The following ZFHX3 variants were observed in gnomAD, a reference collection of about 807,000 sequenced individuals.
The protein encoded by ZFHX3 is zinc finger homeobox 3, also known as zinc finger homeobox protein 3.
A neutral mutation model predicts 279.1 loss-of-function variants in ZFHX3; 42 were observed. The ratio of observed to expected loss-of-function variants is 0.15; its 90% CI spans 0.12 to 0.19. The LOEUF (loss-of-function observed/expected upper bound fraction) is 0.19, where lower values mean the gene tolerates loss of function less well. Among genes scored for constraint, ZFHX3 ranks in the 10% least tolerant of loss-of-function variants. The pLI is 1.00. For missense variants in ZFHX3, 4,981 were observed against 4,754.0 expected (o/e 1.05, Z -1.40); for synonymous variants, 2,293 against 1,957.8 (o/e 1.17, Z -4.52).
chr16:73,227,036 C>T (rs1164946408), intron 5 of ZFHX3, among the ~76,000 whole-genome samples: 1 of 152,118 alleles, frequency 6.6e-6, no homozygotes, highest in Non-Finnish European at 1.5e-5. Flanking sequence ...CAGAATGATT[C>T]GTGAGTACTG....
At chr16:73,873,127 G>A (rs1295080779) in intron 1 of ZFHX3, among the ~76,000 whole-genome samples, 1 of 65,740 alleles carries the variant, frequency 1.5e-5, no homozygotes, top group Non-Finnish European at 3.1e-5. Context: ...TGGTGGCGGT[G>A]GATGGTGGTG....
chr16:73,153,622 T>C (rs968314383), intron 5 of ZFHX3, among the ~76,000 whole-genome samples: 5 of 152,192 alleles, frequency 3.3e-5, no homozygotes, highest in Admixed American at 2.6e-4. Flanking sequence ...ATCTCTTAAG[T>C]TTAAGGGAAG....
At chr16:73,610,787 C>A (rs576315081) in intron 2 of ZFHX3, among the ~76,000 whole-genome samples, 1 of 152,314 alleles carries the variant, frequency 6.6e-6, no homozygotes, top group African/African-American at 2.4e-5. Context: ...TTTCTCAACA[C>A]TAGTTTAGGA....
At chr16:73,555,676 T>TA (rs1325199069) in intron 2 of ZFHX3, among the ~76,000 whole-genome samples, 2 of 151,108 alleles carry the variant, frequency 1.3e-5, no homozygotes, top group Non-Finnish European at 3.0e-5. Flanking sequence ...ACTAAAAATA[T>TA]AAAAAATTAG....
At chr16:73,445,302 A>ATG (rs71156166) in intron 3 of ZFHX3, among the ~76,000 whole-genome samples, 1 of 149,708 alleles carries the variant, frequency 6.7e-6, no homozygotes, top group East Asian at 2.0e-4. Flanking sequence ...ATGTATATGT[A>ATG]TGTGTGTGTG....
chr16:73,270,945 T>G (rs1695674427), intron 4 of ZFHX3, among the ~76,000 whole-genome samples: 1 of 152,184 alleles, frequency 6.6e-6, no homozygotes, highest in Admixed American at 6.5e-5. Flanking sequence ...TGTGTAACAT[T>G]TCTTCCCTCA....
intron 2 of ZFHX3, among the ~76,000 whole-genome samples, chr16:73,547,350 AAAGT>A (rs1162727082): frequency 6.6e-6 from 1 of 152,252 alleles, no homozygotes; most frequent in Non-Finnish European, 1.5e-5. Flanking sequence ...TAATAAAAAG[AAAGT>A]AATACCCTGG....
chr16:72,932,340 G>A (rs960874679), intron 3 of ZFHX3, among the ~76,000 whole-genome samples: 4 of 152,110 alleles, frequency 2.6e-5, no homozygotes, highest in Non-Finnish European at 5.9e-5. Flanking sequence ...TACTTCTCAG[G>A]GAAGGGGTGG....
chr16:72,891,765 T>A (rs554615300), intron 3 of ZFHX3, among the ~76,000 whole-genome samples: 1 of 152,290 alleles, frequency 6.6e-6, no homozygotes, highest in South Asian at 2.1e-4. Flanking sequence ...GTGTCCTTCC[T>A]TTTTTCTCCT....
intron 3 of ZFHX3, among the ~76,000 whole-genome samples, chr16:73,453,757 C>T (rs546976404): frequency 5.9e-5 from 9 of 152,280 alleles, no homozygotes; most frequent in African/African-American, 2.2e-4. Context: ...GGAGGCTTCA[C>T]AATCATGGTG....
At chr16:73,667,448 G>A (rs996559060) in intron 2 of ZFHX3, among the ~76,000 whole-genome samples, 23 of 152,160 alleles carry the variant, frequency 1.5e-4, no homozygotes, top group Non-Finnish European at 3.2e-4. Context: ...TAGGTTGGCT[G>A]GATCAAATGA....
At chr16:73,570,689 T>C (rs768734280) in intron 2 of ZFHX3, among the ~76,000 whole-genome samples, 36 of 152,194 alleles carry the variant, frequency 2.4e-4, no homozygotes, top group Admixed American at 5.2e-4. Context: ...GGGGATTGGT[T>C]TTCATTAACT....
At chr16:73,364,175 C>CA (rs11301710) in intron 3 of ZFHX3, among the ~76,000 whole-genome samples, 47 of 142,378 alleles carry the variant, frequency 3.3e-4, no homozygotes, top group Admixed American at 2.5e-3. Context: ...GACCCTGTTT[C>CA]AAAAAAAAAA....
chr16:73,190,158 G>A (rs1485534736), intron 5 of ZFHX3, among the ~76,000 whole-genome samples: 1 of 152,166 alleles, frequency 6.6e-6, no homozygotes, highest in African/African-American at 2.4e-5. Context: ...CTCACCTTAA[G>A]GAACGCACCT....
At chr16:73,612,354 A>G (rs554702228) in intron 2 of ZFHX3, among the ~76,000 whole-genome samples, 1 of 152,302 alleles carries the variant, frequency 6.6e-6, no homozygotes, top group East Asian at 1.9e-4. Flanking sequence ...TAAACCCTTG[A>G]AAAAAGGGTT....
intron 3 of ZFHX3, among the ~76,000 whole-genome samples, chr16:73,346,491 A>C (rs1363074181): frequency 6.6e-6 from 1 of 152,226 alleles, no homozygotes; most frequent in East Asian, 1.9e-4. Flanking sequence ...TTATTTACTT[A>C]TACAAAGTTT....
chr16:73,760,759 C>T (rs2053855623), intron 1 of ZFHX3, among the ~76,000 whole-genome samples: 1 of 151,940 alleles, frequency 6.6e-6, no homozygotes, highest in African/African-American at 2.4e-5. Context: ...AAAAGGCCTT[C>T]ATAAAATTCA....
chr16:72,924,928 AC>A (rs1375988547), intron 3 of ZFHX3, among the ~76,000 whole-genome samples: 1 of 151,972 alleles, frequency 6.6e-6, no homozygotes, highest in African/African-American at 2.4e-5. Context: ...ACAGAAACGC[AC>A]CTATAGACCC....
intron 1 of ZFHX3, among the ~76,000 whole-genome samples, chr16:73,834,088 T>G (rs1185121949): frequency 6.6e-6 from 1 of 152,032 alleles, no homozygotes; most frequent in Non-Finnish European, 1.5e-5. Context: ...TCACTCAAGT[T>G]TCTCTGAAGA....
Sources: gnomAD v4.1 joint callset for allele counts (sites outside exome capture counted in the v4.1 genomes callset) on GRCh38, gnomAD v4.1.1 for gene constraint, MANE v1.5 for transcripts, NCBI Gene and HGNC (gene_info 2026-07-23, HGNC 2026-07-21) for gene names.